Variants in POLR1C observed in about 807,000 individuals in gnomAD.
POLR1C encodes DNA-directed RNA polymerases I and III subunit RPAC1.
Under a neutral mutation model 38.3 loss-of-function variants are expected in POLR1C, and 42 were observed. The ratio of observed to expected loss-of-function variants is 1.10; its 90% CI spans 0.86 to 1.42. The LOEUF is 1.42. Ranked by LOEUF, POLR1C falls within the 40% of genes most tolerant of loss-of-function variation. POLR1C has a pLI of 0.00. For missense variants in POLR1C, 507 were observed against 450.5 expected (o/e 1.13, Z -1.14); for synonymous variants, 163 against 163.9 (o/e 0.99, Z 0.04).
chr6:43,549,944 A>G (rs1195933524), intron 9 of POLR1C: 4 of 1,611,646 alleles, frequency 2.5e-6, no homozygotes, highest in East Asian at 2.2e-5. Flanking sequence ...GCTAAGGGAG[A>G]GGAGGAAAAA....
intron 10 of POLR1C, chr6:43,553,788 A>G (rs1324946968): frequency 1.0e-5 from 3 of 287,594 alleles, no homozygotes. Context: ...CATTTTGAGT[A>G]ATGAATGAGA....
At chr6:43,527,965 T>C (rs1793705669) in intron 8 of POLR1C, among the ~76,000 whole-genome samples, 1 of 152,232 alleles carries the variant, frequency 6.6e-6, no homozygotes, top group African/African-American at 2.4e-5. Context: ...CAGTAGCCCC[T>C]ATGAAGGCTG....
At chr6:43,533,846 AAAAG>A (rs1248167365), downstream of POLR1C, 2 of 1,311,652 alleles carry the variant, frequency 1.5e-6, no homozygotes, top group East Asian at 2.8e-5. Flanking sequence ...AAACAACAAA[AAAAG>A]GGGACATCCA....
chr6:43,527,505 C>G, intron 8 of POLR1C: 1 of 856,684 alleles, frequency 1.2e-6, no homozygotes, highest in East Asian at 2.6e-5. Flanking sequence ...ATCTTTTGAC[C>G]TCGCAATCCA....
downstream of POLR1C, chr6:43,526,210 C>A: frequency 2.3e-6 from 1 of 444,156 alleles, no homozygotes; most frequent in South Asian, 2.8e-5. Flanking sequence ...GCACCAGACA[C>A]TGATTTAGTT....
chr6:43,553,594 A>C (rs1214416775), intron 10 of POLR1C: 26 of 1,473,342 alleles, frequency 1.8e-5, no homozygotes, highest in Non-Finnish European at 2.3e-5. Flanking sequence ...GAGACAATGG[A>C]GCCTTAGAGA....
chr6:43,520,442 T>C lies in POLR1C; in HGVS notation c.655+15T>C, dbSNP rs770122638. Reference sequence around the variant, plus strand: ...CAAGGGCATTGGTGAGAACCCTGTGTGCCTTCCTGGGAAGGGGGATAGTTC... The same window carrying C: ...CAAGGGCATTGGTGAGAACCCTGTGCGCCTTCCTGGGAAGGGGGATAGTTC... On this transcript the variant is annotated intron_variant, in intron 6 of 8. Coordinates refer to ENST00000642195, the MANE Select transcript of POLR1C (RefSeq NM_203290.4). The C allele has an allele frequency of 5.0e-6, 8 of 1,613,124 alleles. No homozygotes were observed. The highest frequency in any genetic ancestry group is 2.2e-5 in the East Asian group (1 of 44,888).
downstream of POLR1C, chr6:43,531,594 C>T (rs747856706): frequency 6.3e-7 from 1 of 1,598,782 alleles, no homozygotes; most frequent in South Asian, 1.1e-5. Flanking sequence ...AAATACGGGT[C>T]AAGAACATGA....
intron 10 of POLR1C, chr6:43,558,866 G>GA (rs35811310): frequency 1.9e-5 from 6 of 322,940 alleles, no homozygotes; most frequent in Non-Finnish European, 3.4e-5. Context: ...AAGGTCCCCA[G>GA]AAAAAATGAC....
chr6:43,553,710 C>T, intron 10 of POLR1C: 4 of 1,093,710 alleles, frequency 3.7e-6, no homozygotes, highest in Non-Finnish European at 4.8e-6. Flanking sequence ...GTGAAGGTTC[C>T]TACCATGCCT....
downstream of POLR1C, chr6:43,521,550 A>G: frequency 9.5e-7 from 1 of 1,054,370 alleles, no homozygotes; most frequent in South Asian, 1.7e-5. Context: ...TTTTTGAGAC[A>G]GTCTCACTGT....
rs111634867 is a variant in POLR1C, at chr6:43,553,526, T to TACACAC, written c.*48+2533_*48+2538dup. 168 of 1,448,094 alleles carry TACACAC rather than the reference T, an allele frequency of 1.2e-4. No individual in the cohort carries two copies. In the African/African-American group the frequency reaches 1.4e-3, roughly 12 times the overall value. The allele number at this position is 1,448,094 out of a possible 1,614,324, so 89.7% of individuals were successfully genotyped here. On this transcript the variant is annotated intron_variant, in intron 10 of 10. Coordinates refer to the POLR1C transcript ENST00000607635. ...AAGCTTTAAAACACACACACACACA[T>TACACAC]ACACACACACACACACACACACAAT... is the stretch of plus-strand genomic sequence containing the variant.
intron 9 of POLR1C, among the ~76,000 whole-genome samples, chr6:43,536,758 T>TAAAAAAAAAAAAAAAAAAAA (rs1156884252): frequency 1.6e-4 from 3 of 19,100 alleles, no homozygotes; most frequent in African/African-American, 7.3e-4. Flanking sequence ...AGACTCTATC[T>TAAAAAAAAAAAAAAAAAAAA]AAAAAAAAAA....
At chr6:43,520,815 A>T (rs762601060) in intron 7 of POLR1C, 41 bp downstream of exon 7, 2 of 1,611,554 alleles carry the variant, frequency 1.2e-6, no homozygotes, top group Admixed American at 3.3e-5. Context: ...GACCTAAATT[A>T]TATTTTCTTT....
downstream of POLR1C, chr6:43,525,836 C>T (rs372632584): frequency 1.2e-6 from 2 of 1,613,810 alleles, no homozygotes; most frequent in Admixed American, 1.7e-5. Flanking sequence ...TCCTTCTACC[C>T]ACCTCATGCT....
intron 9 of POLR1C, chr6:43,549,961 C>T (rs1403050004): frequency 1.2e-6 from 2 of 1,609,096 alleles, no homozygotes; most frequent in Non-Finnish European, 1.7e-6. Flanking sequence ...AAAAAGGTCA[C>T]TCATGTTTAT....
At chr6:43,561,266 A>G in intron 10 of POLR1C, 1 of 398,028 alleles carries the variant, frequency 2.5e-6, no homozygotes, top group South Asian at 4.3e-5. Context: ...GTAAAATAAA[A>G]AACACTCATT....
intron 9 of POLR1C, among the ~76,000 whole-genome samples, chr6:43,535,387 C>G (rs548620319): frequency 2.6e-5 from 4 of 151,926 alleles, no homozygotes; most frequent in African/African-American, 9.7e-5. Context: ...GTCAGGAGTT[C>G]AAGACCAGCC....
At chr6:43,538,872 T>C (rs1582211305) in intron 9 of POLR1C, 4 of 1,287,900 alleles carry the variant, frequency 3.1e-6, no homozygotes, top group Non-Finnish European at 4.4e-6. Context: ...GAGACTCTGG[T>C]GTGGGTCTTG....
Sources: allele counts gnomAD v4.1 joint callset (sites outside exome capture counted in the v4.1 genomes callset), GRCh38; gene constraint gnomAD v4.1.1; transcripts MANE v1.5; gene names NCBI Gene and HGNC (gene_info 2026-07-23, HGNC 2026-07-21).